TMPRSS11E: variants seen among roughly 807,000 people sequenced by gnomAD.
TMPRSS11E encodes transmembrane protease serine 11E.
In TMPRSS11E, 38 loss-of-function variants were observed where a neutral mutation model predicts 48.1. The observed-to-expected ratio is 0.79, with a 90% CI of 0.61 to 1.04. TMPRSS11E has a LOEUF of 1.04. Ranked by LOEUF, TMPRSS11E falls within the 50% of genes least tolerant of loss-of-function variation. The probability of loss-of-function intolerance (pLI) is 0.00; values close to 1 mark genes in which losing one functional copy is unlikely to be tolerated. For synonymous variants in TMPRSS11E, 158 were observed against 171.9 expected, an observed-to-expected ratio of 0.92 and a Z score of 0.63; for missense variants, 530 against 510.8, an observed-to-expected ratio of 1.04 and a Z score of -0.36.
intron 9 of TMPRSS11E, among the ~76,000 whole-genome samples, chr4:68,482,813 A>G (rs536214267): frequency 6.6e-6 from 1 of 152,104 alleles, no homozygotes; most frequent in East Asian, 1.9e-4. Flanking sequence ...CTCATCTGAG[A>G]TAAAGCAATT....
intron 9 of TMPRSS11E, among the ~76,000 whole-genome samples, chr4:68,487,696 T>C (rs1257772861): frequency 1.3e-5 from 2 of 152,068 alleles, no homozygotes; most frequent in Non-Finnish European, 2.9e-5. Context: ...TTTGGCTGGA[T>C]ATGAAATTCT....
chr4:68,496,482 A>G (rs530974640), intron 9 of TMPRSS11E, among the ~76,000 whole-genome samples, 161 bp from the exon 10 acceptor site: 4 of 152,232 alleles, frequency 2.6e-5, no homozygotes, highest in African/African-American at 4.8e-5. Flanking sequence ...GTCCTCTTTT[A>G]GGTGGATAAC....
chr4:68,453,939 A>G (rs1423436632), intron 1 of TMPRSS11E, among the ~76,000 whole-genome samples: 1 of 151,900 alleles, frequency 6.6e-6, no homozygotes, highest in Non-Finnish European at 1.5e-5. Context: ...GCACATATGT[A>G]TTCTAACTAT....
At chr4:68,482,157 G>A (rs1483025094) in intron 9 of TMPRSS11E, among the ~76,000 whole-genome samples, 1 of 89,016 alleles carries the variant, frequency 1.1e-5, no homozygotes, top group African/African-American at 4.0e-5. Context: ...GAAAGCAGGA[G>A]CAAGAGGGAT....
chr4:68,455,006 C>G (rs1299370992), intron 1 of TMPRSS11E, among the ~76,000 whole-genome samples: 2 of 151,836 alleles, frequency 1.3e-5, no homozygotes, highest in Non-Finnish European at 2.9e-5. Flanking sequence ...CTAAAATTTC[C>G]CTACTGTACT....
At chr4:68,495,507 T>A (rs1268523071) in intron 9 of TMPRSS11E, among the ~76,000 whole-genome samples, 2 of 152,190 alleles carry the variant, frequency 1.3e-5, no homozygotes. Context: ...ACAAGATCCA[T>A]GTGTTTATAA....
intron 9 of TMPRSS11E, among the ~76,000 whole-genome samples, chr4:68,489,764 G>A (rs545497909): frequency 6.6e-6 from 1 of 152,350 alleles, no homozygotes; most frequent in African/African-American, 2.4e-5. Context: ...CAGGGAATTT[G>A]GCATAGGCCA....
At chr4:68,469,213 A>C (rs1161601068) in intron 4 of TMPRSS11E, among the ~76,000 whole-genome samples, 1 of 152,064 alleles carries the variant, frequency 6.6e-6, no homozygotes, top group Non-Finnish European at 1.5e-5. Context: ...TACAGATAGT[A>C]CTAAATACAG....
At chr4:68,472,070 A>G (rs183782001) in intron 5 of TMPRSS11E, among the ~76,000 whole-genome samples, 2 of 152,036 alleles carry the variant, frequency 1.3e-5, no homozygotes, top group Admixed American at 1.3e-4. Flanking sequence ...TAATAAACTT[A>G]TTTTTGGTAT....
chr4:68,494,476 C>A (rs181671930), intron 9 of TMPRSS11E, among the ~76,000 whole-genome samples: 1 of 152,188 alleles, frequency 6.6e-6, no homozygotes, highest in Non-Finnish European at 1.5e-5. Flanking sequence ...ATTTCTTATG[C>A]CCCTATTATT....
intron 9 of TMPRSS11E, among the ~76,000 whole-genome samples, chr4:68,494,705 A>T (rs527966922): frequency 3.0e-4 from 45 of 152,342 alleles, no homozygotes; most frequent in African/African-American, 1.0e-3. Context: ...AGAATTAACA[A>T]ATATAATAAT....
chr4:68,493,348 A>G (rs886280792), intron 9 of TMPRSS11E, among the ~76,000 whole-genome samples: 1 of 152,186 alleles, frequency 6.6e-6, no homozygotes, highest in Non-Finnish European at 1.5e-5. Context: ...CAAAAATACT[A>G]TTTTGATGGT....
intron 9 of TMPRSS11E, among the ~76,000 whole-genome samples, chr4:68,490,694 T>C (rs139775876): frequency 0.037 from 5,616 of 149,794 alleles, 367 homozygotes; most frequent in African/African-American, 0.13. Context: ...TTCTAGTAGA[T>C]GGGGAGAGTT....
intron 7 of TMPRSS11E, among the ~76,000 whole-genome samples, 200 bp from the exon 8 acceptor site, chr4:68,477,169 G>A (rs538622185): frequency 2.6e-5 from 4 of 152,076 alleles, no homozygotes; most frequent in Admixed American, 1.3e-4. Context: ...GGCATATGGA[G>A]TGGCATGTAT....
Position 68,497,493 on chromosome 4 carries a change from A to G in TMPRSS11E, c.*689A>G, listed in dbSNP as rs1377562056. 6.6e-6 allele frequency: 1 copy of G among 152,148 alleles called. No homozygotes were observed. The highest frequency in any genetic ancestry group is 1.9e-4 in the East Asian group (1 of 5,198). 9.4% of individuals were successfully genotyped at this position (152,148 alleles called of 1,614,324 possible). On this transcript the variant is annotated 3_prime_UTR_variant, in exon 10 of 10. Coordinates refer to ENST00000305363, the MANE Select transcript of TMPRSS11E (RefSeq NM_014058.4). ...AGATTCTGTTTTTTTGTGACCTATAATAATTATACAAACTTCATGCAATGT... is the reference window on the plus strand; with the variant it reads ...AGATTCTGTTTTTTTGTGACCTATAGTAATTATACAAACTTCATGCAATGT...
intron 5 of TMPRSS11E, 128 bp downstream of exon 5, chr4:68,471,751 T>C: frequency 1.6e-6 from 1 of 608,318 alleles, no homozygotes; most frequent in Non-Finnish European, 2.6e-6. Flanking sequence ...TATATTTCTT[T>C]GGAACTAAAT....
intron 1 of TMPRSS11E, 148 bp from the exon 2 acceptor site, chr4:68,461,673 G>C: frequency 8.0e-7 from 1 of 1,247,186 alleles, no homozygotes. Flanking sequence ...ACTGGCCTCA[G>C]CAGCCTGGAA....
At chr4:68,486,603 T>C (rs35065844) in intron 9 of TMPRSS11E, among the ~76,000 whole-genome samples, 49,563 of 151,966 alleles carry the variant, frequency 0.33, 8,819 homozygotes, top group East Asian at 0.77. Flanking sequence ...GAAAAGAATG[T>C]ATATTTTCTT....
intron 1 of TMPRSS11E, among the ~76,000 whole-genome samples, 195 bp from the exon 2 acceptor site, chr4:68,461,626 T>G (rs540444920): frequency 3.4e-4 from 52 of 152,262 alleles, no homozygotes; most frequent in African/African-American, 1.3e-3. Flanking sequence ...AGCACAAAAG[T>G]CAAACTACTT....
Sources: gnomAD v4.1 joint callset for allele counts (sites outside exome capture counted in the v4.1 genomes callset) on GRCh38, gnomAD v4.1.1 for gene constraint, MANE v1.5 for transcripts, NCBI Gene and HGNC (gene_info 2026-07-23, HGNC 2026-07-21) for gene names.